Variants in CROCC observed in about 807,000 individuals in gnomAD.
The protein encoded by CROCC is ciliary rootlet coiled-coil, rootletin.
Under a neutral mutation model 245.2 loss-of-function variants are expected in CROCC, and 180 were observed. The ratio of observed to expected loss-of-function variants is 0.73; its 90% confidence interval spans 0.65 to 0.83. CROCC has a LOEUF of 0.83. Among genes scored for constraint, CROCC ranks in the 40% least tolerant of loss-of-function variants. CROCC has a pLI of 0.00. For missense variants in CROCC, 2,688 were observed against 2,779.4 expected, an observed-to-expected ratio of 0.97 and a Z score of 0.74; for synonymous variants, 1,205 against 1,241.6, an observed-to-expected ratio of 0.97 and a Z score of 0.62.
At chr1:16,914,376 G>C (rs1053929072) in intron 1 of CROCC, among the ~76,000 whole-genome samples, 7 of 152,246 alleles carry the variant, frequency 4.6e-5, no homozygotes, top group Non-Finnish European at 7.3e-5. Context: ...GGCACGACAG[G>C]AGACTGGGGC....
At chr1:16,914,152 G>A (rs1467336770) in intron 1 of CROCC, among the ~76,000 whole-genome samples, 2 of 151,262 alleles carry the variant, frequency 1.3e-5, no homozygotes, top group South Asian at 2.1e-4. Flanking sequence ...GTGGCCGGGG[G>A]CGCGCGCGTG....
chr1:16,928,082 G>T (rs1407293542), intron 3 of CROCC, among the ~76,000 whole-genome samples: 1 of 152,294 alleles, frequency 6.6e-6, no homozygotes, highest in African/African-American at 2.4e-5. Context: ...GATGAGCGTG[G>T]GTGAGAGCAG....
At chr1:16,927,640 G>A (rs2075565503) in intron 3 of CROCC, among the ~76,000 whole-genome samples, 1 of 152,276 alleles carries the variant, frequency 6.6e-6, no homozygotes, top group Non-Finnish European at 1.5e-5. Context: ...ACAGTGTCCT[G>A]CGTGGAGACA....
chr1:16,931,810 G>A (rs1266616286), intron 8 of CROCC, among the ~76,000 whole-genome samples: 1 of 152,238 alleles, frequency 6.6e-6, no homozygotes, highest in African/African-American at 2.4e-5. Context: ...AGGCTGGAGT[G>A]AGGTGGCACG....
At chr1:16,926,075 C>T (rs754932217) in intron 3 of CROCC, among the ~76,000 whole-genome samples, 3 of 152,266 alleles carry the variant, frequency 2.0e-5, no homozygotes, top group Non-Finnish European at 4.4e-5. Flanking sequence ...GCTGCTGGGG[C>T]TGGGACTGCA....
At chr1:16,943,900 A>G (rs2075988190) in intron 13 of CROCC, among the ~76,000 whole-genome samples, 200 bp from the exon 14 acceptor site, 2 of 152,290 alleles carry the variant, frequency 1.3e-5, no homozygotes, top group Admixed American at 1.3e-4. Flanking sequence ...CGGACTGGAG[A>G]GAAGGAAAGC....
chr1:16,921,563 G>C (rs2075405699), upstream of CROCC, among the ~76,000 whole-genome samples: 1 of 152,264 alleles, frequency 6.6e-6, no homozygotes. Context: ...CCCGTTCTGG[G>C]CCAGAAAGAT....
At chr1:16,970,957 G>A (rs190142114) in intron 35 of CROCC, 190 bp downstream of exon 35, 6 of 577,986 alleles carry the variant, frequency 1.0e-5, no homozygotes, top group African/African-American at 9.5e-5. Context: ...GACACGAAAG[G>A]CCTGTTTGCA....
chr1:16,937,007 T>C lies in CROCC; in HGVS notation c.1193+134T>C, dbSNP rs1197257997. 6.1e-6 allele frequency: 6 copies of C among 988,382 alleles called. No individual in the cohort carries two copies. In the African/African-American group the frequency reaches 7.9e-5, roughly 13 times the overall value. The allele number at this position is 988,382 out of a possible 1,614,324, so 61.2% of individuals were successfully genotyped here. Reference sequence around the variant, plus strand: ...GAGCTCAGCCAGTCTTCCCATGCACTGAGGTTCCGAAGGCACTTGCCCAGT... The same window carrying C: ...GAGCTCAGCCAGTCTTCCCATGCACCGAGGTTCCGAAGGCACTTGCCCAGT... On this transcript the variant is annotated intron_variant, in intron 9 of 36. Transcript: ENST00000375541.
chr1:16,965,918 T>TGG, intron 28 of CROCC, 26 bp downstream of exon 28: 1 of 1,606,092 alleles, frequency 6.2e-7, no homozygotes, highest in East Asian at 2.2e-5. Context: ...CATGGCTGGA[T>TGG]GGGGAACCTG....
chr1:16,918,035 C>T (rs780843220), upstream of CROCC, among the ~76,000 whole-genome samples: 172 of 121,564 alleles, frequency 1.4e-3, no homozygotes, highest in Admixed American at 2.5e-3. Context: ...TAAGAGGAAT[C>T]GGAAATGCTT....
intron 3 of CROCC, among the ~76,000 whole-genome samples, chr1:16,927,333 C>A (rs6689457): frequency 6.6e-6 from 1 of 152,004 alleles, no homozygotes; most frequent in Non-Finnish European, 1.5e-5. Flanking sequence ...TGGGTGCACA[C>A]GGACAGGAAA....
chr1:16,946,267 T>C lies in CROCC; in HGVS notation c.2145T>C (p.Ala715=), dbSNP rs1238256728. The stretch of plus-strand genomic sequence containing the variant: ...GGGGCCTGACCCTGCAGGCTGAGGC[T>C]GGCCGCGTGGAGCTCGAGCTCTCCA... The part of the protein sequence containing the change: ...EVAEALTKAE[A]GRVELELSMT... Residue 715 remains alanine, a synonymous_variant, in exon 16 of 37, where the codon GCT becomes GCC. Transcript: ENST00000375541. 6.2e-7 allele frequency: 1 copy of C among 1,612,826 alleles called. No homozygotes were observed. Among genetic ancestry groups the C allele is most frequent in the Admixed American group, 1.7e-5 (1 of 59,892 alleles).
intron 17 of CROCC, among the ~76,000 whole-genome samples, 193 bp from the exon 18 acceptor site, chr1:16,948,138 T>G (rs1253872252): frequency 6.6e-6 from 1 of 152,284 alleles, no homozygotes; most frequent in Non-Finnish European, 1.5e-5. Flanking sequence ...TGGGCCCTGG[T>G]TTTTGTACAC....
intron 19 of CROCC, among the ~76,000 whole-genome samples, chr1:16,950,202 T>G (rs1293305141): frequency 1.3e-5 from 2 of 151,036 alleles, no homozygotes; most frequent in Non-Finnish European, 2.9e-5. Flanking sequence ...TAGCTGGGAC[T>G]ACATATGCCC....
rs200267551 is a variant in CROCC at position 16,968,397 on chromosome 1, G to A, written c.5055G>A (p.Arg1685=). 6.7e-7 allele frequency: 1 copy of A among 1,496,708 alleles called. No homozygotes were observed. The highest frequency in any genetic ancestry group is 8.9e-7 in the Non-Finnish European group (1 of 1,122,442). The allele number at this position is 1,496,708 out of a possible 1,614,324, so 92.7% of individuals were successfully genotyped here. Residue 1685 remains arginine, a synonymous_variant, in exon 31 of 37, where the codon CGG becomes CGA. Transcript: ENST00000375541. Reference sequence around the variant, plus strand: ...CCCAAGCCCAGGCCCTCCAGGATCGGGTGGATTCCCTGCAGAGACAGGTGG... The same window carrying A: ...CCCAAGCCCAGGCCCTCCAGGATCGAGTGGATTCCCTGCAGAGACAGGTGG... ...REAQAQALQD[R]VDSLQRQVAD...
intron 13 of CROCC, among the ~76,000 whole-genome samples, 179 bp from the exon 14 acceptor site, chr1:16,943,920 CT>C (rs2075988727): frequency 6.6e-6 from 1 of 152,286 alleles, no homozygotes; most frequent in Non-Finnish European, 1.5e-5. Flanking sequence ...CCAGGTTCTT[CT>C]GCTGGAGTGT....
At chr1:16,914,284 G>A (rs1424855577) in intron 1 of CROCC, among the ~76,000 whole-genome samples, 2 of 152,178 alleles carry the variant, frequency 1.3e-5, no homozygotes, top group Non-Finnish European at 2.9e-5. Flanking sequence ...GGCACCGGAG[G>A]CCAGGAGAGC....
At chr1:16,927,216 C>G (rs561165178) in intron 3 of CROCC, among the ~76,000 whole-genome samples, 1 of 152,276 alleles carries the variant, frequency 6.6e-6, no homozygotes, top group African/African-American at 2.4e-5. Context: ...TAGCCGCACA[C>G]ACAGCCAGAT....
Sources: gnomAD v4.1 joint callset for allele counts (sites outside exome capture counted in the v4.1 genomes callset) on GRCh38, gnomAD v4.1.1 for gene constraint, MANE v1.5 for transcripts, NCBI Gene and HGNC (gene_info 2026-07-23, HGNC 2026-07-21) for gene names.